ACY1: variants seen among roughly 807,000 people sequenced by gnomAD.
ACY1 encodes the protein aminoacylase-1.
ACY1 carries 38 observed loss-of-function variants against 53.3 expected under a neutral mutation model. The observed-to-expected ratio is 0.71, with a 90% CI of 0.55 to 0.93. The LOEUF is 0.93. ACY1 is among the 40% of genes least tolerant of loss of function. The probability of loss-of-function intolerance (pLI) is 0.00; values close to 1 mark genes in which losing one functional copy is unlikely to be tolerated. For missense variants in ACY1, 484 were observed against 540.9 expected (o/e 0.89, Z 1.04); for synonymous variants, 177 against 202.1 (o/e 0.88, Z 1.05).
chr3:51,985,977 A>C, intron 5 of ACY1, 31 bp downstream of exon 5: 3 of 1,576,748 alleles, frequency 1.9e-6, no homozygotes, highest in Non-Finnish European at 2.6e-6. Context: ...CTCCTCCACA[A>C]TGTCCCCACT....
intron 2 of ACY1, chr3:51,984,826 A>G: frequency 3.5e-6 from 1 of 283,898 alleles, no homozygotes; most frequent in Non-Finnish European, 6.8e-6. Flanking sequence ...AAAAAAAAAA[A>G]AAAAAAAGGA....
At chr3:51,987,691 A>T (rs1701125039) in intron 12 of ACY1, 67 bp downstream of exon 12, 1 of 1,517,596 alleles carries the variant, frequency 6.6e-7, no homozygotes, top group Non-Finnish European at 9.1e-7. Flanking sequence ...GCAACAGTGG[A>T]GTGTGTGCTT....
rs767883181 is a variant in ACY1, at chr3:51,988,602, A to T, written c.1000A>T (p.Met334Leu). The change falls in exon 13 of 15, where the codon ATG becomes TTG. Residue 334 changes from methionine (M) to leucine (L), a missense_variant and splice_region_variant. By Grantham distance (15) the Met-to-Leu change is conservative. Coordinates refer to ENST00000636358, the MANE Select transcript of ACY1 (RefSeq NM_000666.3). ...AGCTTTTAGCCGGGTCTGCAAGGAT[A>T]TGTGAGCACGCTGGCCAGCTCTCCT... ...WAAFSRVCKD[M>L]NLTLEPEIMP... 9.3e-6 allele frequency: 15 copies of T among 1,613,954 alleles called. No homozygotes were observed. The Admixed American group carries it at 2.5e-4, about 27-fold the overall frequency.
intron 13 of ACY1, 61 bp from the exon 14 acceptor site, chr3:51,988,705 C>G: frequency 5.6e-6 from 9 of 1,602,322 alleles, no homozygotes; most frequent in Non-Finnish European, 7.7e-6. Context: ...TTCCCACCTT[C>G]CTTTGCCCCT....
chr3:51,988,542 G>T lies in ACY1; in HGVS notation c.940G>T (p.Val314Leu), dbSNP rs148501801. 62 of 1,614,024 alleles carry T rather than the reference G, an allele frequency of 3.8e-5. No individual in the cohort carries two copies. The African/African-American group carries it at 7.7e-4, about 20-fold the overall frequency. Residue 314 changes from valine (V) to leucine (L), a missense_variant, in exon 13 of 15, where the codon GTG becomes TTG. Val to Leu is a conservative substitution (Grantham distance 32). Transcript: ENST00000636358. Reference protein sequence around the residue: ...EFAQKWMHPQVTPTDDSNPWW... With the variant: ...EFAQKWMHPQLTPTDDSNPWW... ...CCCTCAGAAGTGGATGCACCCCCAA[G>T]TGACACCTACTGATGACTCAAACCC...
In ACY1 at chr3:51,986,971, C is replaced by A. The variant is rs753626169; in HGVS notation, c.584-17C>A. 63 of 1,611,374 alleles carry A rather than the reference C, an allele frequency of 3.9e-5. No homozygotes were observed. Among genetic ancestry groups the A allele is most frequent in the Non-Finnish European group, 5.2e-5 (61 of 1,179,656 alleles). On this transcript the variant is annotated splice_polypyrimidine_tract_variant and intron_variant, in intron 8 of 14. Transcript: ENST00000636358. ...CCCTCAGGCTGAAGACACTGCCTTC[C>A]CCCTACACCTCCCCAGGGGTGCGGG...
rs765987747 is a variant in ACY1 at position 51,987,036 on chromosome 3, T to A, written c.632T>A (p.Met211Lys). ...TGRPGHASRF[M>K]EDTAAEKLHK... ...AGGCCAGGCCATGCCTCACGCTTCATGGAGGACACAGCAGCAGAGAAGCTG... is the reference window on the plus strand; with the variant it reads ...AGGCCAGGCCATGCCTCACGCTTCAAGGAGGACACAGCAGCAGAGAAGCTG... Residue 211 changes from methionine (M) to lysine (K), a missense_variant, in exon 9 of 15, where the codon ATG becomes AAG. Transcript: ENST00000636358. 6 of 1,613,676 alleles carry A rather than the reference T, an allele frequency of 3.7e-6. No homozygotes were observed. The highest frequency in any genetic ancestry group is 5.1e-6 in the Non-Finnish European group (6 of 1,180,004).
chr3:51,983,622 G>T (rs1288671933), intron 1 of ACY1, 33 bp downstream of exon 1: 2 of 276,066 alleles, frequency 7.2e-6, no homozygotes, highest in South Asian at 3.5e-5. Flanking sequence ...GAGGGACTGG[G>T]GCTCCGTGGC....
chr3:51,987,560 T>C lies in ACY1; in HGVS notation c.857T>C (p.Phe286Ser). Reference sequence around the variant, plus strand: ...AGCTCGTCTCCCTTCTCTTAGGCTTTTGAGGAGCAGCTGCAGAGCTGGTGC... The same window carrying C: ...AGCTCGTCTCCCTTCTCTTAGGCTTCTGAGGAGCAGCTGCAGAGCTGGTGC... ...RVAPDVDFKA[F>S]EEQLQSWCQA... The change falls in exon 12 of 15, where the codon TTT becomes TCT. Residue 286 changes from phenylalanine (F) to serine (S), a missense_variant. By Grantham distance (155) the Phe-to-Ser change is radical. Transcript: ENST00000636358. The C allele has an allele frequency of 6.2e-7, 1 of 1,614,094 alleles. No individual in the cohort carries two copies. The highest frequency in any genetic ancestry group is 2.2e-5 in the East Asian group (1 of 44,870).
At chr3:51,984,697 C>G (rs566048881) in intron 2 of ACY1, 2 of 262,128 alleles carry the variant, frequency 7.6e-6, no homozygotes, top group East Asian at 1.0e-4. Context: ...CACCTGTAGT[C>G]CCAGCTACTC....
rs374652130 is a variant in ACY1, at chr3:51,987,411, C to T, written c.810C>T (p.Ser270=). ...ATAACGTGATACCTGCCACCATGAG[C>T]GCCAGCTTTGACTTCCGTGTGGCAC... is the stretch of plus-strand genomic sequence containing the variant. ...VAYNVIPATM[S]ASFDFRVAPD... is the part of the protein sequence containing the mutation. The change falls in exon 11 of 15, where the codon AGC becomes AGT. Residue 270 remains serine, a synonymous_variant. Transcript: ENST00000636358. The T allele has an allele frequency of 5.5e-5, 89 of 1,614,058 alleles. No homozygotes were observed. The highest frequency in any genetic ancestry group is 1.6e-4 in the Middle Eastern group (1 of 6,084).
chr3:51,987,624 G>T lies in ACY1; in HGVS notation c.921G>T (p.Gln307His), dbSNP rs765250665. 1 of 1,613,768 alleles carries T rather than the reference G, an allele frequency of 6.2e-7. No individual in the cohort carries two copies. Reference sequence around the variant, plus strand: ...AGGGGGTCACCCTAGAGTTTGCTCAGGTATGGACTTGGGACATGTGATGGG... The same window carrying T: ...AGGGGGTCACCCTAGAGTTTGCTCATGTATGGACTTGGGACATGTGATGGG... ...AGEGVTLEFA[Q>H]KWMHPQVTPT... is the part of the protein sequence containing the mutation. Residue 307 changes from glutamine to histidine, a missense_variant and splice_region_variant, in exon 12 of 15, where the codon CAG becomes CAT. Coordinates refer to ENST00000636358, the MANE Select transcript of ACY1 (RefSeq NM_000666.3).
chr3:51,985,451 G>T lies in ACY1; in HGVS notation c.250G>T (p.Val84Leu), dbSNP rs1464054016. The change falls in exon 4 of 15, where the codon GTG (valine) becomes TTG (leucine). Residue 84 changes from valine to leucine, a missense_variant. Transcript: ENST00000636358. The part of the protein sequence containing the change: ...SILLNSHTDV[V>L]PVFKEHWSHD... ...CTTGCTCAACTCCCACACGGATGTG[G>T]TGCCTGTCTTCAAGGTGTGTAAGGG... 1 of 1,614,008 alleles carries T rather than the reference G, an allele frequency of 6.2e-7. No individual in the cohort carries two copies. Among genetic ancestry groups the T allele is most frequent in the Non-Finnish European group, 8.5e-7 (1 of 1,180,020 alleles).
chr3:51,988,539 C>A lies in ACY1; in HGVS notation c.937C>A (p.Gln313Lys). Reference protein sequence around the residue: ...LEFAQKWMHPQVTPTDDSNPW... With the variant: ...LEFAQKWMHPKVTPTDDSNPW... ...TGTCCCTCAGAAGTGGATGCACCCC[C>A]AAGTGACACCTACTGATGACTCAAA... Residue 313 changes from glutamine (Q) to lysine (K), a missense_variant, in exon 13 of 15, where the codon CAA (glutamine) becomes AAA (lysine). Transcript: ENST00000636358. 1.9e-6 allele frequency: 3 copies of A among 1,614,154 alleles called. No homozygotes were observed. Among genetic ancestry groups the A allele is most frequent in the Non-Finnish European group, 2.5e-6 (3 of 1,180,012 alleles).
intron 8 of ACY1, 112 bp downstream of exon 8, chr3:51,986,773 AC>A (rs1361758430): frequency 2.1e-6 from 3 of 1,417,844 alleles, no homozygotes; most frequent in Non-Finnish European, 3.0e-6. Context: ...AAGGCCTTGA[AC>A]CCAGGGCCTC....
At chr3:51,983,993 G>A in intron 1 of ACY1, 54 bp from the exon 2 acceptor site, 2 of 1,326,064 alleles carry the variant, frequency 1.5e-6, no homozygotes, top group South Asian at 2.3e-5. Flanking sequence ...GTGTGCAGGA[G>A]CTCACCATTT....
chr3:51,986,117 G>A, intron 5 of ACY1, 138 bp from the exon 6 acceptor site: 3 of 1,088,116 alleles, frequency 2.8e-6, no homozygotes, highest in South Asian at 1.3e-5. Context: ...ACCAGAGAGG[G>A]GCAGGGACTT....
At chr3:51,988,664 CCCCTCCCTTCT>C in intron 13 of ACY1, 61 bp downstream of exon 13, 1 of 1,490,290 alleles carries the variant, frequency 6.7e-7, no homozygotes, top group Admixed American at 1.7e-5. Context: ...TTCCTGCTGC[CCCCTCCCTTCT>C]CCCTCCTTCT....
chr3:51,986,705 G>T, intron 8 of ACY1, 44 bp downstream of exon 8: 1 of 1,608,420 alleles, frequency 6.2e-7, no homozygotes, highest in Non-Finnish European at 8.5e-7. Context: ...CAGGCGGGAG[G>T]CTAGGCCAGA....
Sources: gnomAD v4.1 joint callset for allele counts on GRCh38, gnomAD v4.1.1 for gene constraint, MANE v1.5 for transcripts, NCBI Gene and HGNC (gene_info 2026-07-23, HGNC 2026-07-21) for gene names.